The following EBF3 variants were observed in gnomAD, a reference collection of about 807,000 sequenced individuals.
EBF3 encodes EBF transcription factor 3, also known as transcription factor COE3.
In EBF3, 18 loss-of-function variants were observed where a neutral mutation model predicts 77.1. That is an observed-to-expected ratio of 0.23 (90% CI 0.16 to 0.35). EBF3 has a LOEUF of 0.35. EBF3 is among the 10% of genes least tolerant of loss of function. The pLI, the probability that EBF3 is intolerant of heterozygous loss-of-function variation, is 1.00. For missense variants in EBF3, 558 were observed against 860.0 expected, an observed-to-expected ratio of 0.65 and a Z score of 4.39; for synonymous variants, 350 against 343.5, an observed-to-expected ratio of 1.02 and a Z score of -0.21.
rs1849657946 is a variant in EBF3 at position 129,837,108 on chromosome 10, A to AGAAACATAGACCTCACAGTAGCC, written c.*812_*834dup. ...AGTCAAAAGGACAATTTCTGGTACA[A>AGAAACATAGACCTCACAGTAGCC]GAAACATAGACCTCACAGTAGCCTA... On this transcript the variant is annotated 3_prime_UTR_variant, in exon 17 of 17. Transcript: ENST00000440978. The AGAAACATAGACCTCACAGTAGCC allele has an allele frequency of 6.5e-6, 1 of 152,678 alleles. No individual in the cohort carries two copies. The highest frequency in any genetic ancestry group is 2.4e-5 in the African/African-American group (1 of 41,466). The allele number at this position is 152,678 out of a possible 1,614,324, so 9.5% of individuals were successfully genotyped here.
intron 9 of EBF3, 127 bp downstream of exon 9, chr10:129,867,655 G>C: frequency 6.8e-7 from 1 of 1,466,422 alleles, no homozygotes; most frequent in Non-Finnish European, 9.2e-7. Flanking sequence ...TGCCACAGGC[G>C]AACAGTGCAG....
chr10:129,840,818 G>A (rs1590032850), intron 14 of EBF3, 26 bp downstream of exon 14: 2 of 1,603,022 alleles, frequency 1.2e-6, no homozygotes, highest in East Asian at 2.2e-5. Context: ...TCTGCGTGAT[G>A]ACGTGTGACA....
intron 6 of EBF3, among the ~76,000 whole-genome samples, chr10:129,932,190 CT>C (rs1282145802): frequency 1.3e-5 from 2 of 152,258 alleles, no homozygotes; most frequent in African/African-American, 4.8e-5. Flanking sequence ...TCTAAGCAAC[CT>C]CTTGGGAAGA....
At chr10:129,850,844 C>A (rs1169230616) in intron 10 of EBF3, among the ~76,000 whole-genome samples, 1 of 152,198 alleles carries the variant, frequency 6.6e-6, no homozygotes, top group East Asian at 1.9e-4. Context: ...CCCACAGCCC[C>A]CCAAACCCTA....
intron 8 of EBF3, among the ~76,000 whole-genome samples, chr10:129,873,150 A>G (rs1852521296): frequency 6.6e-6 from 1 of 152,236 alleles, no homozygotes; most frequent in African/African-American, 2.4e-5. Flanking sequence ...CGCTTCCGAC[A>G]AACCAAAATA....
intron 6 of EBF3, among the ~76,000 whole-genome samples, chr10:129,912,906 C>A (rs1313475144): frequency 1.3e-5 from 2 of 152,232 alleles, no homozygotes; most frequent in Non-Finnish European, 2.9e-5. Context: ...GAAAGCAGTA[C>A]TGAGTGACAT....
Position 129,931,329 on chromosome 10 carries a change from A to G in EBF3, c.554+25929T>C, listed in dbSNP as rs533590475. ...GACACAGCCCTTTAAGGGGTCTAAC[A>G]TTTTTCTGGGATCCAAGTGCATCTT... On this transcript the variant is annotated intron_variant, in intron 6 of 16. Transcript: ENST00000440978. 3.9e-5 allele frequency among the ~76,000 whole-genome samples: 6 copies of G among 152,328 alleles called. No individual in the cohort carries two copies. The South Asian group carries it at 1.2e-3, about 32-fold the overall frequency.
chr10:129,861,570 G>T lies in EBF3; in HGVS notation c.1039+5571C>A, dbSNP rs1205240323. On this transcript the variant is annotated intron_variant, in intron 10 of 16. Coordinates refer to ENST00000440978, the MANE Select transcript of EBF3 (RefSeq NM_001375380.1). The surrounding 1 kb of genome is among the most constrained non-coding windows in gnomAD (Gnocchi z 4.3). ...TTGGGGGGTTCACTGGGGATCATGG[G>T]GGGGACACAGACATCCTTGGACACC... is the stretch of plus-strand genomic sequence containing the variant. Among the ~76,000 whole-genome samples the T allele has an allele frequency of 6.8e-6, 1 of 147,712 alleles. No homozygotes were observed. Among genetic ancestry groups the T allele is most frequent in the Non-Finnish European group, 1.5e-5 (1 of 66,824 alleles).
At chr10:129,893,547 T>C (rs918275653) in intron 6 of EBF3, among the ~76,000 whole-genome samples, 24 of 152,318 alleles carry the variant, frequency 1.6e-4, no homozygotes, top group East Asian at 1.5e-3. Flanking sequence ...AGGACACTTA[T>C]CAAGTTCAGT....
chr10:129,858,525 CT>C (rs1316192444), intron 10 of EBF3, among the ~76,000 whole-genome samples: 3 of 152,190 alleles, frequency 2.0e-5, no homozygotes, highest in African/African-American at 7.2e-5. Flanking sequence ...CCAAGTGGGT[CT>C]TCCGAACTAG....
In EBF3 at chr10:129,963,111, G is replaced by A; in HGVS notation, c.292-106C>T. 7.0e-7 allele frequency: 1 copy of A among 1,422,680 alleles called. No homozygotes were observed. Among genetic ancestry groups the A allele is most frequent in the Non-Finnish European group, 9.9e-7 (1 of 1,009,126 alleles). The allele number at this position is 1,422,680 out of a possible 1,614,324, so 88.1% of individuals were successfully genotyped here. A position where few individuals can be genotyped will look rare whatever the true frequency, so the allele number is the denominator to read the frequency against. The stretch of plus-strand genomic sequence containing the variant: ...AGGCTCTCGGCCTCACACATGGCAG[G>A]ATTCCTAGCTCGAAGCAGCGCGGTG... On this transcript the variant is annotated intron_variant, in intron 2 of 16. Coordinates refer to ENST00000440978, the MANE Select transcript of EBF3 (RefSeq NM_001375380.1). The surrounding 1 kb of genome is among the most constrained non-coding windows in gnomAD (Gnocchi z 7.1).
In EBF3 at chr10:129,837,790, A is replaced by ACAAAGTCTTTTGTAG. The variant is rs1849701403; in HGVS notation, c.*138_*152dup. 4 of 974,400 alleles carry ACAAAGTCTTTTGTAG rather than the reference A, an allele frequency of 4.1e-6. No individual in the cohort carries two copies. Among genetic ancestry groups the ACAAAGTCTTTTGTAG allele is most frequent in the Non-Finnish European group, 6.2e-6 (4 of 649,046 alleles). 60.4% of individuals were successfully genotyped at this position (974,400 alleles called of 1,614,324 possible). A position where few individuals can be genotyped will look rare whatever the true frequency, so the allele number is the denominator to read the frequency against. ...TTAATAGTTTAAATAAAATCTTTAA[A>ACAAAGTCTTTTGTAG]CAAAGTCTTTTGTAGCATTTCAATT... On this transcript the variant is annotated 3_prime_UTR_variant, in exon 17 of 17. Coordinates refer to ENST00000440978, the MANE Select transcript of EBF3 (RefSeq NM_001375380.1).
chr10:129,848,571 T>C lies in EBF3; in HGVS notation c.1040-91A>G. ...GCACACTTACAAATAAATGTGTAGT[T>C]CTCCTGCTCTGATGCTCTCTAAGGC... On this transcript the variant is annotated intron_variant, in intron 10 of 16. Transcript: ENST00000440978. The surrounding 1 kb of genome is among the most constrained non-coding windows in gnomAD (Gnocchi z 4.4). The C allele has an allele frequency of 7.4e-7, 1 of 1,352,996 alleles. No homozygotes were observed. Among genetic ancestry groups the C allele is most frequent in the Non-Finnish European group, 1.1e-6 (1 of 943,264 alleles). The allele number at this position is 1,352,996 out of a possible 1,614,324, so 83.8% of individuals were successfully genotyped here. A position where few individuals can be genotyped will look rare whatever the true frequency, so the allele number is the denominator to read the frequency against.
chr10:129,925,085 CGTGTGTGTGT>C (rs34706080), intron 6 of EBF3, among the ~76,000 whole-genome samples: 1 of 151,244 alleles, frequency 6.6e-6, no homozygotes, highest in African/African-American at 2.4e-5. Context: ...TGTGTGCACG[CGTGTGTGTGT>C]GTGTGTGTGC....
chr10:129,960,609 TTACTG>T (rs1859430965), intron 4 of EBF3, among the ~76,000 whole-genome samples: 4 of 150,412 alleles, frequency 2.7e-5, no homozygotes, highest in Non-Finnish European at 4.4e-5. Context: ...CTTTGATCAG[TTACTG>T]GGCTATTTCT....
intron 6 of EBF3, among the ~76,000 whole-genome samples, chr10:129,946,296 C>G (rs184541754): frequency 6.6e-6 from 1 of 152,318 alleles, no homozygotes; most frequent in African/African-American, 2.4e-5. Context: ...TTAGTTACTG[C>G]TCACAGTCTA....
At chr10:129,954,236 G>A (rs1472717232) in intron 6 of EBF3, among the ~76,000 whole-genome samples, 3 of 151,916 alleles carry the variant, frequency 2.0e-5, no homozygotes, top group Admixed American at 1.3e-4. Context: ...ACAATGTTAT[G>A]TTTCTTCTTT....
chr10:129,930,231 T>A (rs1856912277), intron 6 of EBF3, among the ~76,000 whole-genome samples: 1 of 152,200 alleles, frequency 6.6e-6, no homozygotes, highest in African/African-American at 2.4e-5. Context: ...GATACCAGCA[T>A]CCCAGGGTCT....
At chr10:129,886,033 ATTTT>A (rs59542647) in intron 6 of EBF3, among the ~76,000 whole-genome samples, 15 of 126,290 alleles carry the variant, frequency 1.2e-4, no homozygotes, top group African/African-American at 3.5e-4. Flanking sequence ...TTTGGTTTTA[ATTTT>A]TTTTTTTTTT....
Sources: gnomAD v4.1 joint callset for allele counts (sites outside exome capture counted in the v4.1 genomes callset) on GRCh38, gnomAD v4.1.1 for gene constraint, Gnocchi (gnomAD v3.1) non-coding constraint, MANE v1.5 for transcripts, NCBI Gene and HGNC (gene_info 2026-07-23, HGNC 2026-07-21) for gene names.